The following DGKB variants were observed in gnomAD, a reference collection of about 807,000 sequenced individuals.
DGKB encodes the protein 90 kDa diacylglycerol kinase.
In DGKB, 67 loss-of-function variants were observed where a neutral mutation model predicts 114.3. The ratio of observed to expected loss-of-function variants is 0.59; its 90% confidence interval spans 0.48 to 0.72. DGKB has a LOEUF of 0.72. Among genes scored for constraint, DGKB ranks in the 30% least tolerant of loss-of-function variants. The probability of loss-of-function intolerance (pLI) is 0.00; values close to 1 mark genes in which losing one functional copy is unlikely to be tolerated. For synonymous variants in DGKB, 398 were observed against 323.1 expected (o/e 1.23, Z -2.49); for missense variants, 907 against 975.2 (o/e 0.93, Z 0.93).
intron 2 of DGKB, among the ~76,000 whole-genome samples, chr7:14,766,281 T>C (rs1370394871): frequency 6.6e-6 from 1 of 151,976 alleles, no homozygotes; most frequent in Non-Finnish European, 1.5e-5. Context: ...ACAAACATAA[T>C]ACATTATTAA....
chr7:14,585,862 C>T (rs1232565439), intron 17 of DGKB, among the ~76,000 whole-genome samples: 1 of 152,024 alleles, frequency 6.6e-6, no homozygotes, highest in African/African-American at 2.4e-5. Context: ...CTTTGAGGTG[C>T]CATGAACCAC....
chr7:14,184,059 G>A (rs771427509), intron 23 of DGKB, among the ~76,000 whole-genome samples: 2 of 152,110 alleles, frequency 1.3e-5, no homozygotes, highest in East Asian at 1.9e-4. Flanking sequence ...AGAAGTTTCC[G>A]GCTTTACTTG....
chr7:14,504,063 A>G (rs1786630990), intron 20 of DGKB, among the ~76,000 whole-genome samples: 1 of 152,196 alleles, frequency 6.6e-6, no homozygotes, highest in Non-Finnish European at 1.5e-5. Flanking sequence ...TTGGTATCTA[A>G]ATGCAAATTT....
chr7:14,703,187 A>G (rs1825522523), intron 6 of DGKB, among the ~76,000 whole-genome samples: 1 of 152,246 alleles, frequency 6.6e-6, no homozygotes, highest in Admixed American at 6.5e-5. Context: ...CTACTCAGAG[A>G]AATGATTAAC....
intron 20 of DGKB, among the ~76,000 whole-genome samples, chr7:14,554,010 C>T (rs556952075): frequency 2.6e-4 from 39 of 151,434 alleles, no homozygotes; most frequent in Admixed American, 2.2e-3. Context: ...GTAGCTGGGA[C>T]TACAGGCAAC....
At chr7:14,273,769 C>T (rs940650218) in intron 23 of DGKB, among the ~76,000 whole-genome samples, 1 of 152,120 alleles carries the variant, frequency 6.6e-6, no homozygotes, top group African/African-American at 2.4e-5. Context: ...TCAGTTGTTA[C>T]TAGTAAGTAG....
At chr7:14,935,486 G>A (rs1212408958) in intron 1 of DGKB, among the ~76,000 whole-genome samples, 2 of 152,072 alleles carry the variant, frequency 1.3e-5, no homozygotes, top group African/African-American at 2.4e-5. Flanking sequence ...CTGAATGCAT[G>A]CAAATAAACC....
At chr7:14,157,209 T>A (rs1783144691) in intron 25 of DGKB, among the ~76,000 whole-genome samples, 1 of 152,168 alleles carries the variant, frequency 6.6e-6, no homozygotes, top group Admixed American at 6.6e-5. Flanking sequence ...TTAGCTTGAT[T>A]CTGGAATAAG....
chr7:14,915,043 C>T (rs1784175037), intron 1 of DGKB, among the ~76,000 whole-genome samples: 1 of 151,950 alleles, frequency 6.6e-6, no homozygotes, highest in Non-Finnish European at 1.5e-5. Context: ...CAATTACAAA[C>T]ATAAGCATCA....
At chr7:14,697,972 A>G in intron 8 of DGKB, 123 bp downstream of exon 8, 1 of 638,112 alleles carries the variant, frequency 1.6e-6, no homozygotes, top group Non-Finnish European at 2.8e-6. Flanking sequence ...AAGGAAAGAA[A>G]GAAAGAAAGA....
intron 23 of DGKB, among the ~76,000 whole-genome samples, chr7:14,293,256 C>T (rs1562859735): frequency 6.6e-6 from 1 of 152,062 alleles, no homozygotes; most frequent in Non-Finnish European, 1.5e-5. Flanking sequence ...CTGCAGAAAT[C>T]ATGTCAAGAA....
At chr7:14,629,177 A>C (rs1303050834) in intron 14 of DGKB, among the ~76,000 whole-genome samples, 1 of 152,108 alleles carries the variant, frequency 6.6e-6, no homozygotes, top group African/African-American at 2.4e-5. Context: ...CAATGAAATA[A>C]TAAACTGTCC....
At chr7:14,276,225 T>C (rs562162105) in intron 23 of DGKB, among the ~76,000 whole-genome samples, 193 of 152,194 alleles carry the variant, frequency 1.3e-3, no homozygotes, top group African/African-American at 4.3e-3. Flanking sequence ...CTCCATTCCC[T>C]AAAAAAAGGC....
At chr7:14,233,763 C>A (rs1792285123) in intron 23 of DGKB, among the ~76,000 whole-genome samples, 1 of 151,930 alleles carries the variant, frequency 6.6e-6, no homozygotes. Context: ...AAACCAGAGT[C>A]CAGGGAGTGT....
At chr7:14,412,239 G>C (rs1458404715) in intron 21 of DGKB, among the ~76,000 whole-genome samples, 1 of 152,184 alleles carries the variant, frequency 6.6e-6, no homozygotes, top group Non-Finnish European at 1.5e-5. Flanking sequence ...GTGATAAAAA[G>C]TAAGAGAAGA....
intron 9 of DGKB, among the ~76,000 whole-genome samples, chr7:14,692,517 A>G (rs1266707444): frequency 6.6e-6 from 1 of 151,956 alleles, no homozygotes; most frequent in Non-Finnish European, 1.5e-5. Context: ...TGATTTACAT[A>G]ATGGTTTTTG....
At chr7:14,374,095 T>C (rs1257439942) in intron 21 of DGKB, among the ~76,000 whole-genome samples, 4 of 152,106 alleles carry the variant, frequency 2.6e-5, no homozygotes, top group Non-Finnish European at 5.9e-5. Context: ...ATGCTGAATT[T>C]CACCCTGGCA....
At chr7:14,287,810 G>T (rs570749458) in intron 23 of DGKB, among the ~76,000 whole-genome samples, 16 of 152,264 alleles carry the variant, frequency 1.1e-4, no homozygotes, top group South Asian at 8.3e-4. Flanking sequence ...TCATGAACAT[G>T]TTTAGATCTA....
chr7:14,840,744 A>ACACAC (rs1554298987), intron 2 of DGKB, among the ~76,000 whole-genome samples: 1 of 116,308 alleles, frequency 8.6e-6, no homozygotes, highest in Non-Finnish European at 1.8e-5. Flanking sequence ...ACACACACAC[A>ACACAC]CCTCTCCCTT....
Sources: gnomAD v4.1 joint callset for allele counts (sites outside exome capture counted in the v4.1 genomes callset) on GRCh38, gnomAD v4.1.1 for gene constraint, MANE v1.5 for transcripts, NCBI Gene and HGNC (gene_info 2026-07-23, HGNC 2026-07-21) for gene names.